The following INPP4B variants were observed in gnomAD, a reference collection of about 807,000 sequenced individuals.
INPP4B encodes the protein inositol polyphosphate 4-phosphatase type II.
In INPP4B, 55 loss-of-function variants were observed where a neutral mutation model predicts 122.5. That is an observed-to-expected ratio of 0.45 (90% CI 0.36 to 0.56). INPP4B has a LOEUF of 0.56. INPP4B is among the 20% of genes least tolerant of loss of function. The pLI is 0.00. For synonymous variants in INPP4B, 403 were observed against 388.7 expected, an observed-to-expected ratio of 1.04 and a Z score of -0.43; for missense variants, 1,000 against 1,097.7, an observed-to-expected ratio of 0.91 and a Z score of 1.26.
chr4:142,330,898 G>A (rs1165340206), intron 7 of INPP4B, among the ~76,000 whole-genome samples: 9 of 152,282 alleles, frequency 5.9e-5, no homozygotes. Flanking sequence ...AAATCTAAGT[G>A]CACTAAGCAA....
chr4:142,189,486 T>C (rs1003826005), intron 15 of INPP4B, among the ~76,000 whole-genome samples: 2 of 152,172 alleles, frequency 1.3e-5, no homozygotes, highest in Non-Finnish European at 2.9e-5. Context: ...TACATTACTG[T>C]GGCCTAGTAA....
intron 1 of INPP4B, among the ~76,000 whole-genome samples, chr4:142,735,905 A>G (rs1025612127): frequency 1.4e-5 from 2 of 147,704 alleles, no homozygotes; most frequent in African/African-American, 2.5e-5. Flanking sequence ...AAATTTACGT[A>G]TATCATTCTA....
At chr4:142,816,917 A>T (rs977762723) in intron 1 of INPP4B, among the ~76,000 whole-genome samples, 4 of 152,178 alleles carry the variant, frequency 2.6e-5, no homozygotes, top group African/African-American at 9.6e-5. Context: ...TGGGTTGAAT[A>T]GTGCCCCCAA....
chr4:142,031,541 A>G (rs148930010), intron 25 of INPP4B, among the ~76,000 whole-genome samples: 32 of 152,326 alleles, frequency 2.1e-4, no homozygotes, highest in African/African-American at 7.2e-4. Flanking sequence ...CCTAAGGACT[A>G]TGCAATCAGT....
chr4:142,826,996 A>C (rs1781535536), intron 1 of INPP4B, among the ~76,000 whole-genome samples: 1 of 152,020 alleles, frequency 6.6e-6, no homozygotes, highest in Non-Finnish European at 1.5e-5. Context: ...CATCTTCCCC[A>C]CCATTGTTTT....
chr4:142,294,525 G>C (rs1302256000), intron 9 of INPP4B, among the ~76,000 whole-genome samples: 1 of 151,984 alleles, frequency 6.6e-6, no homozygotes, highest in Non-Finnish European at 1.5e-5. Flanking sequence ...ATAAAAAAAT[G>C]GTGGGGAAAA....
chr4:142,121,974 C>G (rs1316337530), intron 21 of INPP4B, among the ~76,000 whole-genome samples, 154 bp downstream of exon 21: 2 of 151,946 alleles, frequency 1.3e-5, no homozygotes, highest in Non-Finnish European at 2.9e-5. Flanking sequence ...TGTCCCCTAT[C>G]ATATCATCCA....
chr4:142,839,343 A>G (rs1783192873), intron 1 of INPP4B, among the ~76,000 whole-genome samples: 1 of 152,136 alleles, frequency 6.6e-6, no homozygotes, highest in Non-Finnish European at 1.5e-5. Context: ...CTGTAATCCC[A>G]GCTACCCAGG....
chr4:142,651,510 T>C (rs963798879), intron 2 of INPP4B, among the ~76,000 whole-genome samples: 6 of 151,936 alleles, frequency 3.9e-5, no homozygotes, highest in Admixed American at 2.6e-4. Context: ...AAGAATCAAA[T>C]AGATGCAATA....
At chr4:142,244,108 C>T (rs1175305293) in intron 11 of INPP4B, among the ~76,000 whole-genome samples, 1 of 151,194 alleles carries the variant, frequency 6.6e-6, no homozygotes, top group African/African-American at 2.4e-5. Flanking sequence ...TTCCCTCCCT[C>T]TGTCCATGTG....
chr4:142,701,506 C>CAAAAAAAAA (rs111658023), intron 2 of INPP4B, among the ~76,000 whole-genome samples: 1 of 103,128 alleles, frequency 9.7e-6, no homozygotes. Context: ...ACCGAGCAGC[C>CAAAAAAAAA]AAAAAAAAAA....
At chr4:142,068,364 C>A (rs182521857) in intron 25 of INPP4B, among the ~76,000 whole-genome samples, 2 of 152,164 alleles carry the variant, frequency 1.3e-5, no homozygotes, top group African/African-American at 4.8e-5. Context: ...TCAGTACCAG[C>A]CACTGCAAAA....
intron 2 of INPP4B, among the ~76,000 whole-genome samples, chr4:142,512,898 C>T (rs989787874): frequency 3.3e-5 from 5 of 152,254 alleles, no homozygotes; most frequent in Middle Eastern, 3.4e-3. Context: ...AAACCCACCA[C>T]CACGGTAACT....
intron 25 of INPP4B, among the ~76,000 whole-genome samples, chr4:142,045,738 A>C (rs1750994785): frequency 6.6e-6 from 1 of 152,146 alleles, no homozygotes; most frequent in African/African-American, 2.4e-5. Flanking sequence ...ACTCATACAG[A>C]ATTTCTAATT....
chr4:142,282,987 CAGA>C (rs1751893165), intron 9 of INPP4B, among the ~76,000 whole-genome samples: 1 of 151,998 alleles, frequency 6.6e-6, no homozygotes, highest in African/African-American at 2.4e-5. Flanking sequence ...AAATAATCAA[CAGA>C]AGATTTTGAA....
At chr4:142,146,296 AATTGAAGGCATCT>A (rs1325623224) in intron 17 of INPP4B, among the ~76,000 whole-genome samples, 2 of 152,288 alleles carry the variant, frequency 1.3e-5, no homozygotes, top group East Asian at 3.9e-4. Flanking sequence ...TGATATTTTA[AATTGAAGGCATCT>A]ATTCTCTTTA....
At chr4:142,305,367 T>C in intron 9 of INPP4B, 91 bp downstream of exon 9, 1 of 946,844 alleles carries the variant, frequency 1.1e-6, no homozygotes. Context: ...ATCTAACATC[T>C]GCAAGAATTG....
chr4:142,825,950 G>A (rs926092650), intron 1 of INPP4B, among the ~76,000 whole-genome samples: 19 of 152,022 alleles, frequency 1.2e-4, no homozygotes, highest in Admixed American at 3.3e-4. Flanking sequence ...GTCTTATCTC[G>A]TGTTTTTACA....
chr4:142,364,466 G>T (rs1786666125), intron 7 of INPP4B, among the ~76,000 whole-genome samples: 4 of 152,022 alleles, frequency 2.6e-5, no homozygotes, highest in Non-Finnish European at 5.9e-5. Context: ...ATCCCTAATA[G>T]ATATTGGGGT....
Sources: gnomAD v4.1 joint callset for allele counts (sites outside exome capture counted in the v4.1 genomes callset) on GRCh38, gnomAD v4.1.1 for gene constraint, MANE v1.5 for transcripts, NCBI Gene and HGNC (gene_info 2026-07-23, HGNC 2026-07-21) for gene names.